Variants in PI4KA observed in about 807,000 individuals in gnomAD.
PI4KA encodes the protein PI4-kinase alpha.
In PI4KA, 122 loss-of-function variants were observed where a neutral mutation model predicts 271.4. That is an observed-to-expected ratio of 0.45 (90% CI 0.39 to 0.52). The LOEUF is 0.52. Ranked by LOEUF, PI4KA falls within the 20% of genes least tolerant of loss-of-function variation. The probability of loss-of-function intolerance (pLI) is 0.00; values close to 1 mark genes in which losing one functional copy is unlikely to be tolerated. For synonymous variants in PI4KA, 1,041 were observed against 1,078.8 expected, an observed-to-expected ratio of 0.96 and a Z score of 0.69; for missense variants, 1,969 against 2,769.1, an observed-to-expected ratio of 0.71 and a Z score of 6.48.
chr22:20,812,506 C>T (rs1921182540), intron 8 of PI4KA, among the ~76,000 whole-genome samples: 1 of 152,098 alleles, frequency 6.6e-6, no homozygotes, highest in Non-Finnish European at 1.5e-5. Flanking sequence ...TCAAATCTGT[C>T]TTGAACCATC....
chr22:20,781,085 A>G (rs920080308), intron 19 of PI4KA, among the ~76,000 whole-genome samples: 1 of 152,180 alleles, frequency 6.6e-6, no homozygotes, highest in Non-Finnish European at 1.5e-5. Flanking sequence ...GGTGGGATGG[A>G]GAAATAAATT....
chr22:20,745,049 T>G (rs1044164815), intron 29 of PI4KA, among the ~76,000 whole-genome samples: 47 of 152,176 alleles, frequency 3.1e-4, no homozygotes, highest in African/African-American at 1.1e-3. Flanking sequence ...GCCGTCTCCT[T>G]GAGAGTTGCG....
chr22:20,752,871 C>T (rs1222057899), intron 25 of PI4KA, 32 bp downstream of exon 25: 43 of 1,607,690 alleles, frequency 2.7e-5, no homozygotes, highest in Non-Finnish European at 3.7e-5. Context: ...TATATACATA[C>T]ACACAAAACA....
intron 19 of PI4KA, among the ~76,000 whole-genome samples, chr22:20,769,407 C>T (rs1017193269): frequency 5.3e-5 from 8 of 152,252 alleles, no homozygotes; most frequent in South Asian, 2.1e-4. Flanking sequence ...TGGTGGCTCA[C>T]GCCTGTAATC....
chr22:20,722,308 T>C (rs890742759), intron 42 of PI4KA, among the ~76,000 whole-genome samples: 2 of 152,148 alleles, frequency 1.3e-5, no homozygotes, highest in African/African-American at 4.8e-5. Context: ...TGCCTCAGCC[T>C]CCCGAGTAGC....
intron 1 of PI4KA, among the ~76,000 whole-genome samples, chr22:20,842,774 C>A (rs1319548783): frequency 6.7e-6 from 1 of 148,350 alleles, no homozygotes; most frequent in African/African-American, 2.5e-5. Flanking sequence ...GATTGTGCCA[C>A]TGCACTCTCC....
At chr22:20,806,280 T>C (rs1164051660) in intron 10 of PI4KA, among the ~76,000 whole-genome samples, 1 of 152,200 alleles carries the variant, frequency 6.6e-6, no homozygotes, top group Non-Finnish European at 1.5e-5. Flanking sequence ...GTAAAATGCA[T>C]AAAAGATTGT....
At position 20,734,379 on chromosome 22, in the gene PI4KA, G is replaced by A; in HGVS notation, c.3900+16C>T. ...GTGGAGCACCCCACAGCCTTCGTGG[G>A]GGAACAGGCACGTACGTCGATCCAG... On this transcript the variant is annotated intron_variant, in intron 33 of 54. Coordinates refer to ENST00000255882, the MANE Select transcript of PI4KA (RefSeq NM_058004.4). The A allele has an allele frequency of 6.4e-7, 1 of 1,561,146 alleles. No homozygotes were observed. Among genetic ancestry groups the A allele is most frequent in the South Asian group, 1.1e-5 (1 of 88,498 alleles).
At position 20,729,290 on chromosome 22, in the gene PI4KA, G is replaced by A. The variant is rs916501676; in HGVS notation, c.4682+23C>T. On this transcript the variant is annotated intron_variant, in intron 39 of 54. Transcript: ENST00000255882. Reference sequence around the variant, plus strand: ...TGGACCTCTGGTGAGGCCTGTGTCAGGCTGTGGTGCCCGGGGGCCCACCTG... The same window carrying A: ...TGGACCTCTGGTGAGGCCTGTGTCAAGCTGTGGTGCCCGGGGGCCCACCTG... The A allele has an allele frequency of 1.9e-6, 3 of 1,603,858 alleles. No individual in the cohort carries two copies. The Admixed American group carries it at 5.0e-5, about 27-fold the overall frequency.
chr22:20,814,184 A>G (rs1921432954), intron 7 of PI4KA, among the ~76,000 whole-genome samples: 1 of 151,958 alleles, frequency 6.6e-6, no homozygotes, highest in African/African-American at 2.4e-5. Context: ...AATTAGAAAA[A>G]AAAATGCACA....
intron 12 of PI4KA, among the ~76,000 whole-genome samples, chr22:20,803,725 T>G (rs1484554963): frequency 6.6e-6 from 1 of 152,088 alleles, no homozygotes; most frequent in African/African-American, 2.4e-5. Context: ...GCAGACGGAG[T>G]CTCACTATGT....
intron 19 of PI4KA, among the ~76,000 whole-genome samples, chr22:20,784,726 T>TGAA (rs1569029953): frequency 6.6e-6 from 1 of 152,206 alleles, no homozygotes; most frequent in East Asian, 1.9e-4. Flanking sequence ...ATTCATGATT[T>TGAA]CCTCTATTAT....
chr22:20,747,751 T>TA, intron 28 of PI4KA, 49 bp from the exon 29 acceptor site: 1 of 1,589,310 alleles, frequency 6.3e-7, no homozygotes, highest in Non-Finnish European at 8.6e-7. Flanking sequence ...CTGATTTTTT[T>TA]AGAGGCAGGG....
rs546049631 is a variant in PI4KA at position 20,838,560 on chromosome 22, C to T, written c.273+55G>A. 53 of 963,560 alleles carry T rather than the reference C, an allele frequency of 5.5e-5. No individual in the cohort carries two copies. In the East Asian group the frequency reaches 8.1e-4, roughly 15 times the overall value. The allele number at this position is 963,560 out of a possible 1,614,324, so 59.7% of individuals were successfully genotyped here. On this transcript the variant is annotated intron_variant, in intron 2 of 54. Coordinates refer to ENST00000255882, the MANE Select transcript of PI4KA (RefSeq NM_058004.4). ...AAATATAAGCAGATACAAACTTAAA[C>T]GCTCACTACACCCCCTTTTACAATG...
chr22:20,797,790 G>C (rs542422412), intron 17 of PI4KA, among the ~76,000 whole-genome samples: 1 of 117,278 alleles, frequency 8.5e-6, no homozygotes, highest in Admixed American at 9.0e-5. Flanking sequence ...GACATGGAGA[G>C]AATCCAGAGG....
At chr22:20,852,575 C>T (rs1927120717) in intron 1 of PI4KA, among the ~76,000 whole-genome samples, 2 of 152,104 alleles carry the variant, frequency 1.3e-5, no homozygotes, top group South Asian at 4.1e-4. Context: ...CCAATTTCTT[C>T]TTAAAATATT....
At chr22:20,715,184 C>T (rs1341012164) in intron 45 of PI4KA, among the ~76,000 whole-genome samples, 1 of 151,934 alleles carries the variant, frequency 6.6e-6, no homozygotes, top group East Asian at 2.0e-4. Context: ...AATTCTTCTG[C>T]CTCAGCCTCC....
chr22:20,779,425 C>A (rs762869961), intron 19 of PI4KA: 2 of 1,614,212 alleles, frequency 1.2e-6, no homozygotes, highest in African/African-American at 1.3e-5. Flanking sequence ...GCTCAGTCTG[C>A]AGATCCCCAG....
Position 20,751,657 on chromosome 22 carries a change from C to T in PI4KA, c.3069+17G>A. ...AGCGGGTGGTGTTTGGGCCCTAGGT[C>T]TCCTGGGGACACTCACAGCGCTCAG... On this transcript the variant is annotated intron_variant, in intron 26 of 54. Transcript: ENST00000255882. 1 of 1,607,724 alleles carries T rather than the reference C, an allele frequency of 6.2e-7. No homozygotes were observed. The highest frequency in any genetic ancestry group is 1.1e-5 in the South Asian group (1 of 90,964).
Sources: allele counts gnomAD v4.1 joint callset (sites outside exome capture counted in the v4.1 genomes callset), GRCh38; gene constraint gnomAD v4.1.1; transcripts MANE v1.5; gene names NCBI Gene and HGNC (gene_info 2026-07-23, HGNC 2026-07-21).